The following OTOG variants were observed in gnomAD, a reference collection of about 807,000 sequenced individuals.
OTOG encodes the protein otogelin.
A neutral mutation model predicts 313.8 loss-of-function variants in OTOG; 296 were observed. The observed-to-expected ratio is 0.94, with a 90% CI of 0.86 to 1.04. The LOEUF is 1.04. OTOG is among the 50% of genes least tolerant of loss of function. The pLI, the probability that OTOG is intolerant of heterozygous loss-of-function variation, is 0.00. For missense variants in OTOG, 3,948 were observed against 3,840.1 expected, an observed-to-expected ratio of 1.03 and a Z score of -0.74; for synonymous variants, 1,533 against 1,554.9, an observed-to-expected ratio of 0.99 and a Z score of 0.33.
chr11:17,643,158 C>T (rs537290275), intron 53 of OTOG, among the ~76,000 whole-genome samples: 19 of 152,340 alleles, frequency 1.2e-4, no homozygotes, highest in Middle Eastern at 3.4e-3. Flanking sequence ...ATCCTCTGTG[C>T]TGGGAAGCAC....
At chr11:17,623,281 A>G (rs187741893) in intron 39 of OTOG, among the ~76,000 whole-genome samples, 5 of 151,908 alleles carry the variant, frequency 3.3e-5, no homozygotes, top group Admixed American at 2.6e-4. Flanking sequence ...TTATTTTTTG[A>G]TATTCTCTTT....
At chr11:17,547,903 G>A (rs959849129) in intron 1 of OTOG, 24 bp from the exon 2 acceptor site, 32 of 453,578 alleles carry the variant, frequency 7.1e-5, no homozygotes, top group East Asian at 2.7e-4. Context: ...CACAATTTGA[G>A]TGGAGAATAA....
In OTOG at chr11:17,558,570, G is replaced by T. The variant is rs1290001110; in HGVS notation, c.1029G>T (p.Arg343=). ...GVYEQCEALL[R]PPFDACHAYV... is the part of the protein sequence containing the mutation. ...ACGAGCAGTGTGAGGCTCTACTGCG[G>T]CCCCCCTTTGACGCCTGCCACGCCT... The change falls in exon 10 of 56, where the codon CGG becomes CGT. Residue 343 remains arginine (R), a synonymous_variant. Coordinates refer to ENST00000399397, the MANE Select transcript of OTOG (RefSeq NM_001292063.2). 8.4e-6 allele frequency: 13 copies of T among 1,550,450 alleles called. No individual in the cohort carries two copies. Among genetic ancestry groups the T allele is most frequent in the South Asian group, 1.2e-5 (1 of 84,064 alleles).
At chr11:17,612,577 G>T (rs750398522) in intron 37 of OTOG, 43 bp from the exon 38 acceptor site, 96 of 1,531,926 alleles carry the variant, frequency 6.3e-5, no homozygotes, top group Non-Finnish European at 2.9e-5. Flanking sequence ...CCTTGGTCTT[G>T]GAGGCATCCA....
intron 54 of OTOG, among the ~76,000 whole-genome samples, chr11:17,643,997 T>C (rs1453463180): frequency 2.0e-5 from 3 of 152,232 alleles, no homozygotes. Context: ...GGAAGCCCAC[T>C]GCACTGGAGG....
intron 55 of OTOG, 42 bp from the exon 56 acceptor site, chr11:17,645,702 G>A (rs894178566): frequency 1.3e-6 from 2 of 1,550,552 alleles, no homozygotes; most frequent in Non-Finnish European, 8.7e-7. Context: ...GGGTTTGGGG[G>A]TGTGAGCACC....
At chr11:17,576,462 C>A in intron 20 of OTOG, 94 bp from the exon 21 acceptor site, 1 of 935,756 alleles carries the variant, frequency 1.1e-6, no homozygotes, top group Non-Finnish European at 1.7e-6. Flanking sequence ...TGTCCTTATG[C>A]ACCTGGTTGG....
chr11:17,640,637 G>A, intron 49 of OTOG, 108 bp from the exon 50 acceptor site: 3 of 1,195,946 alleles, frequency 2.5e-6, no homozygotes, highest in South Asian at 3.0e-5. Flanking sequence ...CCCCCCTCCT[G>A]CCCACCACAG....
Position 17,572,962 on chromosome 11 carries a change from G to A in OTOG, c.2081-116G>A, listed in dbSNP as rs561166951. The A allele has an allele frequency of 1.3e-3, 1,330 of 991,032 alleles. 3 individuals carry two copies. The highest frequency in any genetic ancestry group is 2.2e-3 in the Middle Eastern group (9 of 4,176). 61.4% of individuals were successfully genotyped at this position (991,032 alleles called of 1,614,324 possible). A position where few individuals can be genotyped will look rare whatever the true frequency, so the allele number is the denominator to read the frequency against. On this transcript the variant is annotated intron_variant, in intron 18 of 55. Coordinates refer to ENST00000399397, the MANE Select transcript of OTOG (RefSeq NM_001292063.2). ...TACACTGAAGTAGCTGCCTACATCC[G>A]TACAGCGTGTGCACACACACACACC...
At chr11:17,549,708 G>A (rs1360108056) in intron 3 of OTOG, among the ~76,000 whole-genome samples, 7 of 152,162 alleles carry the variant, frequency 4.6e-5, no homozygotes, top group African/African-American at 9.7e-5. Context: ...GTATCCTCCC[G>A]TGCTGGTTTC....
intron 35 of OTOG, among the ~76,000 whole-genome samples, 175 bp from the exon 36 acceptor site, chr11:17,609,480 C>G (rs1169649766): frequency 6.6e-6 from 1 of 151,996 alleles, no homozygotes; most frequent in African/African-American, 2.4e-5. Context: ...GTTCTGGGGT[C>G]AGGGTCTGAC....
intron 12 of OTOG, among the ~76,000 whole-genome samples, chr11:17,559,876 G>A (rs1002170601): frequency 1.0e-4 from 15 of 147,796 alleles, no homozygotes; most frequent in African/African-American, 1.5e-4. Context: ...AAGGAAGGAA[G>A]GAAGGAAGGG....
chr11:17,638,778 T>C, intron 48 of OTOG: 1 of 1,521,012 alleles, frequency 6.6e-7, no homozygotes, highest in Non-Finnish European at 8.9e-7. Context: ...AAGTTTCCCA[T>C]TCCAAAGAGG....
intron 7 of OTOG, 125 bp downstream of exon 7, chr11:17,556,022 T>C: frequency 1.4e-6 from 1 of 726,100 alleles, no homozygotes; most frequent in Non-Finnish European, 2.3e-6. Context: ...CAATTTCCAC[T>C]ATCTGGGCGG....
Position 17,641,025 on chromosome 11 carries a change from C to G in OTOG, c.8124C>G (p.Leu2708=), listed in dbSNP as rs1015464924. 1 of 1,547,800 alleles carries G rather than the reference C, an allele frequency of 6.5e-7. No individual in the cohort carries two copies. ...VCHTSRCTTV[L]DPLTNFYQIN... ...ACACCTCCCGCTGCACCACCGTGCT[C>G]GACCCTCTCACCAACTTCTACCAGA... Residue 2708 remains leucine, a synonymous_variant, in exon 51 of 56, where the codon CTC becomes CTG. Coordinates refer to ENST00000399397, the MANE Select transcript of OTOG (RefSeq NM_001292063.2).
At chr11:17,624,083 A>T (rs1022706951) in intron 39 of OTOG, among the ~76,000 whole-genome samples, 42 of 151,844 alleles carry the variant, frequency 2.8e-4, no homozygotes, top group Admixed American at 6.6e-4. Flanking sequence ...GTTTGCAAAA[A>T]TTTTTCCCAT....
Position 17,638,369 on chromosome 11 carries a change from C to T in OTOG, c.7796-82C>T. On this transcript the variant is annotated intron_variant, in intron 47 of 55. Transcript: ENST00000399397. ...TAAGGAGGAGCTGGGGGTAGCCTCT[C>T]TTTAGCCAGTGTTGCCCTTCTGAGG... 3 of 1,205,182 alleles carry T rather than the reference C, an allele frequency of 2.5e-6. No individual in the cohort carries two copies. The South Asian group carries it at 4.4e-5, about 18-fold the overall frequency. The allele number at this position is 1,205,182 out of a possible 1,614,324, so 74.7% of individuals were successfully genotyped here.
At chr11:17,553,577 A>G in intron 6 of OTOG, 58 bp downstream of exon 6, 1 of 1,355,130 alleles carries the variant, frequency 7.4e-7, no homozygotes, top group Non-Finnish European at 9.6e-7. Context: ...TGGAGGCTGC[A>G]CTGGCCTGGG....
At chr11:17,614,058 C>A (rs1853665408) in intron 39 of OTOG, among the ~76,000 whole-genome samples, 1 of 152,110 alleles carries the variant, frequency 6.6e-6, no homozygotes, top group African/African-American at 2.4e-5. Context: ...CTACCAGGAC[C>A]CCTACCAGGA....
Sources: gnomAD v4.1 joint callset for allele counts (sites outside exome capture counted in the v4.1 genomes callset) on GRCh38, gnomAD v4.1.1 for gene constraint, MANE v1.5 for transcripts, NCBI Gene and HGNC (gene_info 2026-07-23, HGNC 2026-07-21) for gene names.